The following TSPAN5 variants were observed in gnomAD, a reference collection of about 807,000 sequenced individuals.
TSPAN5 encodes tetraspanin 5.
TSPAN5 carries 10 observed loss-of-function variants against 37.1 expected under a neutral mutation model. The observed-to-expected ratio is 0.27, with a 90% CI of 0.17 to 0.46. The LOEUF is 0.46. Among genes scored for constraint, TSPAN5 ranks in the 20% least tolerant of loss-of-function variants. The pLI is 1.00. For synonymous variants in TSPAN5, 110 were observed against 118.9 expected (o/e 0.93, Z 0.48); for missense variants, 195 against 326.6 (o/e 0.60, Z 3.11).
intron 1 of TSPAN5, among the ~76,000 whole-genome samples, chr4:98,598,699 C>A (rs192051424): frequency 1.1e-3 from 170 of 152,158 alleles, no homozygotes; most frequent in Non-Finnish European, 1.9e-3. Flanking sequence ...CAAGCTCAAG[C>A]GATCCATCCA....
chr4:98,585,476 T>C (rs748783109), intron 1 of TSPAN5, among the ~76,000 whole-genome samples: 12 of 151,984 alleles, frequency 7.9e-5, no homozygotes, highest in African/African-American at 1.9e-4. Flanking sequence ...CACCTGGCCA[T>C]TTTTTGTATT....
chr4:98,617,757 G>C (rs1419350262), intron 1 of TSPAN5, among the ~76,000 whole-genome samples: 2 of 152,152 alleles, frequency 1.3e-5, no homozygotes, highest in African/African-American at 4.8e-5. Context: ...CCAAACCATA[G>C]GAAGCCAAAG....
intron 1 of TSPAN5, among the ~76,000 whole-genome samples, chr4:98,608,293 C>T (rs1756088094): frequency 6.6e-6 from 1 of 152,096 alleles, no homozygotes; most frequent in South Asian, 2.1e-4. Flanking sequence ...TTTTTAAAAG[C>T]CATGGAACTT....
intron 1 of TSPAN5, among the ~76,000 whole-genome samples, chr4:98,645,592 G>C (rs1158458836): frequency 3.9e-5 from 6 of 152,168 alleles, no homozygotes; most frequent in Non-Finnish European, 8.8e-5. Context: ...ACAAGAGTTG[G>C]TCCAAAACCA....
intron 1 of TSPAN5, among the ~76,000 whole-genome samples, chr4:98,519,922 T>A (rs1180191290): frequency 6.6e-6 from 1 of 152,222 alleles, no homozygotes; most frequent in African/African-American, 2.4e-5. Flanking sequence ...ACAAGTGGAA[T>A]CTATCTCGTG....
At chr4:98,553,652 A>G (rs1754669962) in intron 1 of TSPAN5, among the ~76,000 whole-genome samples, 1 of 152,200 alleles carries the variant, frequency 6.6e-6, no homozygotes, top group African/African-American at 2.4e-5. Context: ...GTATGTTTTC[A>G]GAATGTTTCT....
chr4:98,476,394 A>T lies in TSPAN5; in HGVS notation c.624+19T>A. On this transcript the variant is annotated intron_variant, in intron 6 of 7. Coordinates refer to ENST00000305798, the MANE Select transcript of TSPAN5 (RefSeq NM_005723.4). Reference sequence around the variant, plus strand: ...TCCAACACCCTTCGTGCTAAGCAACAACATGAGATTCCACTTACTGGTTTT... The same window carrying T: ...TCCAACACCCTTCGTGCTAAGCAACTACATGAGATTCCACTTACTGGTTTT... 6.2e-7 allele frequency: 1 copy of T among 1,614,256 alleles called. No individual in the cohort carries two copies. The highest frequency in any genetic ancestry group is 8.5e-7 in the Non-Finnish European group (1 of 1,180,028).
chr4:98,618,254 T>C (rs983395570), intron 1 of TSPAN5, among the ~76,000 whole-genome samples: 4 of 107,816 alleles, frequency 3.7e-5, no homozygotes, highest in Non-Finnish European at 7.5e-5. Flanking sequence ...CTTTAATAAA[T>C]GCTTTTCAAA....
chr4:98,548,222 TAGAG>T (rs896559528), intron 1 of TSPAN5, among the ~76,000 whole-genome samples: 4 of 152,066 alleles, frequency 2.6e-5, no homozygotes, highest in Admixed American at 1.3e-4. Flanking sequence ...TTAGTTCACT[TAGAG>T]AGTTAAGTGT....
intron 1 of TSPAN5, among the ~76,000 whole-genome samples, chr4:98,631,541 T>A (rs1254357743): frequency 6.6e-6 from 1 of 152,056 alleles, no homozygotes; most frequent in African/African-American, 2.4e-5. Flanking sequence ...TCCACGAGTC[T>A]TAGATGCCTG....
chr4:98,616,027 T>C (rs1161895135), intron 1 of TSPAN5, among the ~76,000 whole-genome samples: 2 of 152,030 alleles, frequency 1.3e-5, no homozygotes, highest in African/African-American at 4.8e-5. Context: ...CGGAGAGTGT[T>C]TCCAATTTCC....
At position 98,533,939 on chromosome 4, in the gene TSPAN5, T is replaced by TAAGAAAAAAAAAAA. The variant is rs1488955038; in HGVS notation, c.82-26212_82-26211insTTTTTTTTTTTCTT. Among the ~76,000 whole-genome samples the TAAGAAAAAAAAAAA allele has an allele frequency of 2.6e-4, 8 of 31,154 alleles. 1 individual carries two copies. Among genetic ancestry groups the TAAGAAAAAAAAAAA allele is most frequent in the African/African-American group, 1.5e-3 (8 of 5,450 alleles). 20.4% of individuals were successfully genotyped at this position (31,154 alleles called of 152,430 possible). A position where few individuals can be genotyped will look rare whatever the true frequency, so the allele number is the denominator to read the frequency against. The stretch of plus-strand genomic sequence containing the variant: ...AGTGGTCTATCCATTTTGTTGATCT[T>TAAGAAAAAAAAAAA]AAAAAAAAAAAAAAAAAAAAAAACC... On this transcript the variant is annotated intron_variant, in intron 1 of 7. Transcript: ENST00000305798.
At chr4:98,612,895 C>T (rs150057445) in intron 1 of TSPAN5, among the ~76,000 whole-genome samples, 50 of 152,334 alleles carry the variant, frequency 3.3e-4, no homozygotes, top group Non-Finnish European at 6.2e-4. Flanking sequence ...GCGGCCTTCC[C>T]GCCCATCAAA....
intron 1 of TSPAN5, among the ~76,000 whole-genome samples, chr4:98,534,142 T>C (rs2110133116): frequency 6.6e-6 from 1 of 152,262 alleles, no homozygotes; most frequent in Non-Finnish European, 1.5e-5. Flanking sequence ...TGCTTTCTCT[T>C]GTGGGCATTT....
chr4:98,575,902 C>T (rs1755225073), intron 1 of TSPAN5, among the ~76,000 whole-genome samples: 1 of 151,874 alleles, frequency 6.6e-6, no homozygotes, highest in Non-Finnish European at 1.5e-5. Context: ...AACCCCATCT[C>T]TACTAAAAAT....
intron 1 of TSPAN5, among the ~76,000 whole-genome samples, chr4:98,653,942 C>T (rs1286210791): frequency 6.6e-6 from 1 of 152,178 alleles, no homozygotes; most frequent in African/African-American, 2.4e-5. Flanking sequence ...TGCATGAGTG[C>T]TCTAACCAAT....
chr4:98,637,677 C>T (rs1462929441), intron 1 of TSPAN5, among the ~76,000 whole-genome samples: 1 of 152,144 alleles, frequency 6.6e-6, no homozygotes, highest in Non-Finnish European at 1.5e-5. Context: ...AGTAAATACA[C>T]TTTTACAGCT....
intron 1 of TSPAN5, among the ~76,000 whole-genome samples, chr4:98,611,739 G>A (rs1756197468): frequency 6.6e-6 from 1 of 152,254 alleles, no homozygotes. Context: ...AGTCACTGAG[G>A]TTTGTCCCAG....
chr4:98,519,380 T>A (rs1369418796), intron 1 of TSPAN5, among the ~76,000 whole-genome samples: 1 of 152,010 alleles, frequency 6.6e-6, no homozygotes, highest in Non-Finnish European at 1.5e-5. Context: ...GTGTCTGTGG[T>A]CACAGCTACT....
Sources: gnomAD v4.1 joint callset for allele counts (sites outside exome capture counted in the v4.1 genomes callset) on GRCh38, gnomAD v4.1.1 for gene constraint, MANE v1.5 for transcripts, NCBI Gene and HGNC (gene_info 2026-07-23, HGNC 2026-07-21) for gene names.